The following ZNF479 variants were observed in gnomAD, a reference collection of about 807,000 sequenced individuals.
ZNF479 encodes zinc finger protein 479.
In ZNF479, 15 loss-of-function variants were observed where a neutral mutation model predicts 14.7. The ratio of observed to expected loss-of-function variants is 1.02; its 90% CI spans 0.68 to 1.57. The LOEUF (loss-of-function observed/expected upper bound fraction) is 1.57. ZNF479 is among the 40% of genes most tolerant of loss of function. The pLI is 0.00. For missense variants in ZNF479, 506 were observed against 615.1 expected, an observed-to-expected ratio of 0.82 and a Z score of 1.88; for synonymous variants, 145 against 211.5, an observed-to-expected ratio of 0.69 and a Z score of 2.73.
At chr7:57,135,243 A>T (rs1786594145), upstream of ZNF479, among the ~76,000 whole-genome samples, 1 of 152,164 alleles carries the variant, frequency 6.6e-6, no homozygotes, top group African/African-American at 2.4e-5. Flanking sequence ...CTCTTTTAAT[A>T]AAAGGCAAGA....
chr7:57,121,075 T>C lies in ZNF479; in HGVS notation c.340A>G (p.Thr114Ala). ...TTCTCATGTCCACATTTTCCATATG[T>C]TCTTGGTATTACTTTTTGGAGTGAA... is the stretch of plus-strand genomic sequence containing the variant. ...KDSLQKVIPR[T>A]YGKCGHEKLQ... Residue 114 changes from threonine (T) to alanine (A), a missense_variant, in exon 4 of 4, where the codon ACA becomes GCA. By Grantham distance (58) the Thr-to-Ala change is moderately conservative. This residue lies in a region of ZNF479 where 420 missense variants were observed against 474.2 expected (regional missense o/e 0.89). Transcript: ENST00000319636. The C allele has an allele frequency of 1.2e-6, 2 of 1,613,922 alleles. No homozygotes were observed. The highest frequency in any genetic ancestry group is 1.1e-5 in the South Asian group (1 of 91,072).
rs1309709966 is a variant in ZNF479 at position 57,138,400 on chromosome 7, T to C, written c.-15+1208A>G. On this transcript the variant is annotated intron_variant, in intron 1 of 4. Coordinates refer to the ZNF479 transcript ENST00000331162. ...AAAATTGTGAATCTTATAGGCACAC[T>C]TAGTTGACAATTAAAATTGTCTTCC... Among the ~76,000 whole-genome samples, 3 of 152,198 alleles carry C rather than the reference T, an allele frequency of 2.0e-5. No homozygotes were observed. The South Asian group carries it at 6.2e-4, about 32-fold the overall frequency.
chr7:57,134,069 C>T (rs1786541283), upstream of ZNF479, among the ~76,000 whole-genome samples: 1 of 152,232 alleles, frequency 6.6e-6, no homozygotes, highest in East Asian at 1.9e-4. Flanking sequence ...AGCCACATTC[C>T]AGCACCCTGT....
chr7:57,126,776 T>C (rs1786188368), intron 1 of ZNF479, 58 bp from the exon 2 acceptor site: 10 of 1,596,606 alleles, frequency 6.3e-6, no homozygotes, highest in Non-Finnish European at 7.7e-6. Flanking sequence ...CACACGGCCA[T>C]AGGCAGAGAT....
In ZNF479 at chr7:57,120,949, T is replaced by C; in HGVS notation, c.466A>G (p.Ile156Val). The C allele has an allele frequency of 6.2e-7, 1 of 1,614,132 alleles. No individual in the cohort carries two copies. Among genetic ancestry groups the C allele is most frequent in the Non-Finnish European group, 8.5e-7 (1 of 1,180,004 alleles). ...TTGACATATTTATGAGTCTGAAATA[T>C]TTTGTTTTGGGTAGTTGACAAACAT... ...NQCLSTTQNKIFQTHKYVKVF... is the reference protein window; with the variant it reads ...NQCLSTTQNKVFQTHKYVKVF... Residue 156 changes from isoleucine (I) to valine (V), a missense_variant, in exon 4 of 4, where the codon ATA (isoleucine) becomes GTA (valine). Around this residue, in one of 3 missense-constraint regions of ZNF479, gnomAD observed 420 missense variants for 474.2 expected, o/e 0.89. Transcript: ENST00000319636.
In ZNF479 at chr7:57,120,069, G is replaced by T; in HGVS notation, c.1346C>A (p.Ser449Tyr). ...CEECGKAFSL[S>Y]STLTDHKRIH... ...TCTCTTGTGGTCAGTGAGGGTTGAG[G>T]ATAAGCTAAAGGCTTTGCCACATTC... The change falls in exon 4 of 4, where the codon TCC becomes TAC. Residue 449 changes from serine to tyrosine, a missense_variant. This residue lies in a region of ZNF479 where 72 missense variants were observed against 97.6 expected (regional missense o/e 0.74). Coordinates refer to ENST00000319636, the MANE Select transcript of ZNF479 (RefSeq NM_001370129.2). The T allele has an allele frequency of 6.2e-7, 1 of 1,613,774 alleles. No individual in the cohort carries two copies. Among genetic ancestry groups the T allele is most frequent in the Non-Finnish European group, 8.5e-7 (1 of 1,179,928 alleles).
intron 1 of ZNF479, among the ~76,000 whole-genome samples, chr7:57,131,586 AC>A (rs58563137): frequency 0.086 from 11,188 of 130,030 alleles, 1,752 homozygotes; most frequent in Non-Finnish European, 0.13. Context: ...AAACAAACAA[AC>A]AAAAAAAAAA....
In ZNF479 at chr7:57,126,133, A is replaced by C. The variant is rs1786160989; in HGVS notation, c.167-20T>G. The C allele has an allele frequency of 3.2e-6, 5 of 1,584,010 alleles. No individual in the cohort carries two copies. Among genetic ancestry groups the C allele is most frequent in the Non-Finnish European group, 4.3e-6 (5 of 1,171,626 alleles). ...CAATACCTGTTTTATTAAGAAAAAAAAGTAACATAGATCATGCTGAATTCT... is the reference window on the plus strand; with the variant it reads ...CAATACCTGTTTTATTAAGAAAAAACAGTAACATAGATCATGCTGAATTCT... On this transcript the variant is annotated intron_variant, in intron 2 of 3. Transcript: ENST00000319636.
intron 3 of ZNF479, among the ~76,000 whole-genome samples, chr7:57,124,986 A>T (rs1786093614): frequency 6.6e-6 from 1 of 152,146 alleles, no homozygotes; most frequent in Non-Finnish European, 1.5e-5. Flanking sequence ...CAGGAGAATC[A>T]TTTGAATCCA....
At chr7:57,122,796 A>G (rs1786009544) in intron 3 of ZNF479, among the ~76,000 whole-genome samples, 1 of 152,114 alleles carries the variant, frequency 6.6e-6, no homozygotes, top group Non-Finnish European at 1.5e-5. Flanking sequence ...GATATTATAT[A>G]ATGGTAAAAT....
intron 1 of ZNF479, among the ~76,000 whole-genome samples, chr7:57,130,278 G>A (rs1786356225): frequency 6.6e-6 from 1 of 152,176 alleles, no homozygotes; most frequent in Non-Finnish European, 1.5e-5. Flanking sequence ...TTTGAGACCA[G>A]CCTAGCCAAC....
intron 3 of ZNF479, among the ~76,000 whole-genome samples, chr7:57,123,471 A>T (rs1315824380): frequency 2.6e-5 from 4 of 152,230 alleles, no homozygotes; most frequent in Non-Finnish European, 5.9e-5. Flanking sequence ...TCCAGTCAAA[A>T]GCAAGTGGAT....
intron 3 of ZNF479, among the ~76,000 whole-genome samples, chr7:57,125,008 T>C (rs1402674849): frequency 3.3e-5 from 5 of 152,044 alleles, no homozygotes; most frequent in Admixed American, 6.6e-5. Flanking sequence ...GAGGCAGAGG[T>C]TGCTGTGAGC....
chr7:57,127,150 G>T (rs1319094042), intron 1 of ZNF479, among the ~76,000 whole-genome samples: 1 of 151,522 alleles, frequency 6.6e-6, no homozygotes, highest in African/African-American at 2.4e-5. Flanking sequence ...AGCCTCCTGG[G>T]TAGCTGGGAC....
intron 1 of ZNF479, among the ~76,000 whole-genome samples, chr7:57,128,949 G>C (rs1160899540): frequency 6.6e-6 from 1 of 152,104 alleles, no homozygotes; most frequent in African/African-American, 2.4e-5. Flanking sequence ...TTGAGAATAT[G>C]CCTTTAAAGC....
chr7:57,122,670 A>T (rs1402058555), intron 3 of ZNF479, among the ~76,000 whole-genome samples: 12 of 152,198 alleles, frequency 7.9e-5, no homozygotes, highest in Admixed American at 7.9e-4. Flanking sequence ...TACCAGTTTA[A>T]AATATACTGT....
Sources: gnomAD v4.1 joint callset for allele counts (sites outside exome capture counted in the v4.1 genomes callset) on GRCh38, gnomAD v4.1.1 for gene constraint, gnomAD v4.1.1 regional missense constraint, MANE v1.5 for transcripts, NCBI Gene and HGNC (gene_info 2026-07-23, HGNC 2026-07-21) for gene names.